The following GABRG2 variants were observed in gnomAD, a reference collection of about 807,000 sequenced individuals.
GABRG2 encodes the protein gamma-aminobutyric acid receptor subunit gamma-2.
GABRG2 carries 16 observed loss-of-function variants against 56.4 expected under a neutral mutation model. The observed-to-expected ratio is 0.28, with a 90% CI of 0.19 to 0.43. GABRG2 has a LOEUF of 0.43. Among genes scored for constraint, GABRG2 ranks in the 20% least tolerant of loss-of-function variants. GABRG2 has a pLI of 1.00. For synonymous variants in GABRG2, 208 were observed against 205.5 expected (o/e 1.01, Z -0.10); for missense variants, 327 against 582.7 (o/e 0.56, Z 4.52).
chr5:162,096,583 A>G (rs887416005), intron 3 of GABRG2, among the ~76,000 whole-genome samples: 9 of 152,054 alleles, frequency 5.9e-5, no homozygotes, highest in Admixed American at 5.2e-4. Flanking sequence ...AGACTGTAAA[A>G]ATGAAACTAA....
chr5:162,128,609 C>A (rs1168559097), intron 6 of GABRG2, among the ~76,000 whole-genome samples: 1 of 151,946 alleles, frequency 6.6e-6, no homozygotes, highest in African/African-American at 2.4e-5. Context: ...CTCTCCTCTC[C>A]TCTCCCTCTT....
At chr5:162,084,560 T>C (rs73304527) in intron 1 of GABRG2, among the ~76,000 whole-genome samples, 2,202 of 151,904 alleles carry the variant, frequency 0.014, 56 homozygotes, top group African/African-American at 0.05. Context: ...TAAATCAGTA[T>C]AAGGTAGGAT....
At chr5:162,125,877 A>G (rs557742280) in intron 6 of GABRG2, among the ~76,000 whole-genome samples, 2 of 151,978 alleles carry the variant, frequency 1.3e-5, no homozygotes, top group Non-Finnish European at 2.9e-5. Context: ...GTATAAGAGT[A>G]TAAGAGGGGC....
At chr5:162,129,040 T>G (rs1230785731) in intron 6 of GABRG2, among the ~76,000 whole-genome samples, 2 of 152,030 alleles carry the variant, frequency 1.3e-5, no homozygotes, top group African/African-American at 4.8e-5. Flanking sequence ...TTTTATTTAC[T>G]TTAAAGTGAT....
chr5:162,080,177 G>T (rs74352187), intron 1 of GABRG2, among the ~76,000 whole-genome samples: 13,999 of 152,216 alleles, frequency 0.092, 943 homozygotes, highest in East Asian at 0.22. Context: ...CTAGGAAATA[G>T]ATCTTGATGT....
chr5:162,122,661 G>A (rs1763053916), intron 6 of GABRG2, among the ~76,000 whole-genome samples: 1 of 151,346 alleles, frequency 6.6e-6, no homozygotes, highest in Non-Finnish European at 1.5e-5. Flanking sequence ...GAGAAAAGAT[G>A]AAAGATCAAA....
chr5:162,080,068 A>G (rs531236315), intron 1 of GABRG2, among the ~76,000 whole-genome samples: 1 of 152,198 alleles, frequency 6.6e-6, no homozygotes, highest in Non-Finnish European at 1.5e-5. Flanking sequence ...ATGTAGAATG[A>G]ATATAAATGC....
chr5:162,134,750 C>T (rs1763995707), intron 6 of GABRG2, among the ~76,000 whole-genome samples: 1 of 152,096 alleles, frequency 6.6e-6, no homozygotes. Context: ...GCCACTTTTT[C>T]TAGAGAAATA....
chr5:162,086,243 GT>G (rs1760099795), intron 1 of GABRG2, among the ~76,000 whole-genome samples: 1 of 151,962 alleles, frequency 6.6e-6, no homozygotes, highest in South Asian at 2.1e-4. Context: ...CACTTACTAA[GT>G]TAATTTCCAC....
intron 6 of GABRG2, chr5:162,129,379 C>T (rs918325523): frequency 9.2e-5 from 14 of 151,428 alleles, no homozygotes; most frequent in African/African-American, 3.2e-4. Flanking sequence ...TCTTTCTTAA[C>T]GTGAAAAAGA....
intron 6 of GABRG2, among the ~76,000 whole-genome samples, chr5:162,127,956 AG>A (rs1763460539): frequency 6.6e-6 from 1 of 152,052 alleles, no homozygotes; most frequent in Admixed American, 6.6e-5. Context: ...ATGGTCTGTC[AG>A]GTGCCCTGTG....
chr5:162,077,883 G>T (rs1759268967), intron 1 of GABRG2, among the ~76,000 whole-genome samples: 2 of 152,078 alleles, frequency 1.3e-5, no homozygotes, highest in Admixed American at 1.3e-4. Flanking sequence ...CTCTACATGG[G>T]GTTGGAGAGT....
At chr5:162,110,834 A>G (rs994984232) in intron 6 of GABRG2, among the ~76,000 whole-genome samples, 1 of 152,158 alleles carries the variant, frequency 6.6e-6, no homozygotes, top group African/African-American at 2.4e-5. Flanking sequence ...CCAGTGGATG[A>G]TTGCACAGTA....
intron 6 of GABRG2, among the ~76,000 whole-genome samples, chr5:162,118,322 T>A (rs1762764358): frequency 6.6e-6 from 1 of 152,024 alleles, no homozygotes; most frequent in Non-Finnish European, 1.5e-5. Context: ...TTTTATTGTT[T>A]GCAGTTAATG....
intron 1 of GABRG2, among the ~76,000 whole-genome samples, chr5:162,077,549 C>T (rs1759234216): frequency 6.6e-6 from 1 of 152,144 alleles, no homozygotes; most frequent in Non-Finnish European, 1.5e-5. Context: ...CTTAGCAAAA[C>T]ACTATTTCAA....
At chr5:162,149,675 G>A (rs1157788213) in intron 8 of GABRG2, 9 of 570,246 alleles carry the variant, frequency 1.6e-5, no homozygotes, top group East Asian at 3.9e-5. Flanking sequence ...GTGCAGTGGC[G>A]GGATCTCGGC....
At chr5:162,151,900 A>G in intron 9 of GABRG2, 147 bp downstream of exon 9, 1 of 702,480 alleles carries the variant, frequency 1.4e-6, no homozygotes, top group African/African-American at 1.8e-5. Context: ...ACAGACTTCT[A>G]GAGTTGATTC....
chr5:162,071,839 A>C (rs1231978553), intron 1 of GABRG2, among the ~76,000 whole-genome samples: 1 of 151,856 alleles, frequency 6.6e-6, no homozygotes, highest in Non-Finnish European at 1.5e-5. Context: ...GTCTATCCTG[A>C]GGTAGACTGG....
chr5:162,140,950 G>A (rs1581436875), intron 6 of GABRG2, among the ~76,000 whole-genome samples: 3 of 152,146 alleles, frequency 2.0e-5, no homozygotes, highest in South Asian at 4.2e-4. Context: ...CTCATGCATC[G>A]CTACATGGTT....
Sources: allele counts gnomAD v4.1 joint callset (sites outside exome capture counted in the v4.1 genomes callset), GRCh38; gene constraint gnomAD v4.1.1; transcripts MANE v1.5; gene names NCBI Gene and HGNC (gene_info 2026-07-23, HGNC 2026-07-21).